KAZN: variants seen among roughly 807,000 people sequenced by gnomAD.
The protein encoded by KAZN is kazrin.
A neutral mutation model predicts 87.4 loss-of-function variants in KAZN; 40 were observed. That is an observed-to-expected ratio of 0.46 (90% CI 0.36 to 0.60). The LOEUF (loss-of-function observed/expected upper bound fraction) is 0.60. Ranked by LOEUF, KAZN falls within the 20% of genes least tolerant of loss-of-function variation. The probability of loss-of-function intolerance (pLI) is 0.00; values close to 1 mark genes in which losing one functional copy is unlikely to be tolerated. For missense variants in KAZN, 898 were observed against 1,073.9 expected (o/e 0.84, Z 2.29); for synonymous variants, 466 against 458.3 (o/e 1.02, Z -0.22).
chr1:14,459,800 T>C (rs762641842), intron 2 of KAZN, among the ~76,000 whole-genome samples: 7 of 152,204 alleles, frequency 4.6e-5, no homozygotes, highest in Non-Finnish European at 7.3e-5. Context: ...AACAGAATCA[T>C]TGGGTGGTAT....
intron 1 of KAZN, among the ~76,000 whole-genome samples, chr1:14,755,000 G>T (rs150554777): frequency 3.3e-5 from 5 of 151,676 alleles, no homozygotes; most frequent in Non-Finnish European, 7.4e-5. Context: ...CCAGCACTGT[G>T]AGCGGCCAAG....
At chr1:14,622,180 T>C (rs1228997731) in intron 1 of KAZN, among the ~76,000 whole-genome samples, 1 of 152,164 alleles carries the variant, frequency 6.6e-6, no homozygotes, top group African/African-American at 2.4e-5. Context: ...ACAGTGAACA[T>C]ATAGTAAATT....
rs1049486619 is a variant in KAZN at position 15,063,045 on chromosome 1, C to G, written c.1048-527C>G. The G allele has an allele frequency of 2.6e-4, 41 of 157,294 alleles. 1 individual carries two copies. The highest frequency in any genetic ancestry group is 8.9e-4 in the African/African-American group (37 of 41,534). The allele number at this position is 157,294 out of a possible 1,614,324, so 9.7% of individuals were successfully genotyped here. Reference sequence around the variant, plus strand: ...AATTAGCTCCACGGTAGTGGACTGTCTGCTGCCTCTCTTGATATCTGTGAA... The same window carrying G: ...AATTAGCTCCACGGTAGTGGACTGTGTGCTGCCTCTCTTGATATCTGTGAA... On this transcript the variant is annotated intron_variant, in intron 6 of 14. Coordinates refer to ENST00000376030, the MANE Select transcript of KAZN (RefSeq NM_201628.3).
At chr1:14,928,222 G>A (rs919332731) in intron 1 of KAZN, among the ~76,000 whole-genome samples, 13 of 151,986 alleles carry the variant, frequency 8.6e-5, no homozygotes, top group African/African-American at 2.4e-4. Flanking sequence ...AGGCCGAGGC[G>A]GGCGGATCAC....
intron 2 of KAZN, among the ~76,000 whole-genome samples, chr1:14,469,776 T>C (rs1374893186): frequency 2.0e-5 from 3 of 152,208 alleles, no homozygotes; most frequent in African/African-American, 7.2e-5. Context: ...AATGATGGGT[T>C]GTTCAACAAA....
rs115662483 is a variant in KAZN, at chr1:14,388,341, C to G, written c.249+207749C>G. Among the ~76,000 whole-genome samples, 444 of 152,256 alleles carry G rather than the reference C, an allele frequency of 2.9e-3. 1 individual carries two copies. The highest frequency in any genetic ancestry group is 9.7e-3 in the African/African-American group (402 of 41,566). On this transcript the variant is annotated intron_variant, in intron 2 of 16. Transcript: ENST00000636203. ...TATTCAGACATCTTGGCTCTTCCCCCCTAGAAGAAACAATTCTAAACTTCA... is the reference window on the plus strand; with the variant it reads ...TATTCAGACATCTTGGCTCTTCCCCGCTAGAAGAAACAATTCTAAACTTCA...
At chr1:14,871,780 T>G (rs1314513658) in intron 1 of KAZN, among the ~76,000 whole-genome samples, 1 of 152,004 alleles carries the variant, frequency 6.6e-6, no homozygotes, top group Non-Finnish European at 1.5e-5. Flanking sequence ...TGACCAGATC[T>G]GAGTCACAGG....
intron 2 of KAZN, among the ~76,000 whole-genome samples, chr1:14,497,677 C>T (rs748388299): frequency 6.6e-6 from 1 of 152,290 alleles, no homozygotes; most frequent in Non-Finnish European, 1.5e-5. Flanking sequence ...AAGATATATA[C>T]TTGGAGAACC....
intron 1 of KAZN, among the ~76,000 whole-genome samples, chr1:14,936,085 C>G (rs1209104267): frequency 1.3e-5 from 2 of 152,258 alleles, no homozygotes; most frequent in Non-Finnish European, 2.9e-5. Flanking sequence ...CATGTCATGT[C>G]TCTCCAGTGT....
At chr1:14,399,001 C>A (rs1353282625) in intron 2 of KAZN, among the ~76,000 whole-genome samples, 1 of 152,080 alleles carries the variant, frequency 6.6e-6, no homozygotes, top group African/African-American at 2.4e-5. Flanking sequence ...CACTTGCCAT[C>A]CCTGGACAAA....
chr1:13,944,635 C>T (rs982727289), intron 1 of KAZN, among the ~76,000 whole-genome samples: 6 of 151,938 alleles, frequency 3.9e-5, no homozygotes, highest in Admixed American at 1.3e-4. Context: ...CTTGAATGGC[C>T]GCAAAGCAGT....
At chr1:14,530,888 T>C (rs960780449) in intron 2 of KAZN, among the ~76,000 whole-genome samples, 1 of 152,098 alleles carries the variant, frequency 6.6e-6, no homozygotes, top group Non-Finnish European at 1.5e-5. Flanking sequence ...AATTTGAGAC[T>C]TGGGCAACAT....
chr1:13,943,320 A>G (rs1641009373), intron 1 of KAZN, among the ~76,000 whole-genome samples: 1 of 152,196 alleles, frequency 6.6e-6, no homozygotes, highest in South Asian at 2.1e-4. Context: ...AGAAGATAAT[A>G]GTGTCTGGGC....
chr1:15,032,085 T>A (rs1318207452), intron 2 of KAZN, among the ~76,000 whole-genome samples: 5 of 151,476 alleles, frequency 3.3e-5, no homozygotes, highest in African/African-American at 1.2e-4. Flanking sequence ...TACTCTTAGC[T>A]ACCACCCCTC....
chr1:15,008,061 C>T (rs1214374347), intron 2 of KAZN, among the ~76,000 whole-genome samples: 1 of 152,154 alleles, frequency 6.6e-6, no homozygotes, highest in Non-Finnish European at 1.5e-5. Context: ...ACTGTTTTGG[C>T]CTTGAGGCCT....
intron 1 of KAZN, among the ~76,000 whole-genome samples, chr1:14,755,087 C>CAAAAAAAAA (rs3032756): frequency 8.7e-6 from 1 of 115,568 alleles, no homozygotes; most frequent in Non-Finnish European, 1.7e-5. Context: ...ACTAAAAATG[C>CAAAAAAAAA]AAAAAAAAAA....
chr1:14,834,449 C>T (rs1238828424), intron 1 of KAZN, among the ~76,000 whole-genome samples: 2 of 151,098 alleles, frequency 1.3e-5, no homozygotes, highest in Non-Finnish European at 2.9e-5. Flanking sequence ...GCAAGCTCCG[C>T]CTCTGGGGTT....
intron 2 of KAZN, among the ~76,000 whole-genome samples, chr1:14,295,948 G>A (rs960819660): frequency 2.1e-4 from 32 of 152,162 alleles, no homozygotes; most frequent in African/African-American, 7.2e-4. Context: ...ACTGTGGATT[G>A]CCCAGTTTGG....
At chr1:14,710,271 A>G (rs1000916560) in intron 1 of KAZN, among the ~76,000 whole-genome samples, 4 of 151,852 alleles carry the variant, frequency 2.6e-5, no homozygotes, top group African/African-American at 9.7e-5. Context: ...GCCACCATCA[A>G]CCCTCTCCTG....
Sources: gnomAD v4.1 joint callset for allele counts (sites outside exome capture counted in the v4.1 genomes callset) on GRCh38, gnomAD v4.1.1 for gene constraint, MANE v1.5 for transcripts, NCBI Gene and HGNC (gene_info 2026-07-23, HGNC 2026-07-21) for gene names.